The following GABRG3 variants were observed in gnomAD, a reference collection of about 807,000 sequenced individuals.
GABRG3 encodes gamma-aminobutyric acid type A receptor subunit gamma3, also known as gamma-aminobutyric acid receptor subunit gamma-3.
In GABRG3, 25 loss-of-function variants were observed where a neutral mutation model predicts 48.8. The ratio of observed to expected loss-of-function variants is 0.51; its 90% CI spans 0.37 to 0.72. The LOEUF (loss-of-function observed/expected upper bound fraction) is 0.72, where lower values mean the gene tolerates loss of function less well. GABRG3 is among the 30% of genes least tolerant of loss of function. The pLI, the probability that GABRG3 is intolerant of heterozygous loss-of-function variation, is 0.00. For missense variants in GABRG3, 394 were observed against 577.9 expected (o/e 0.68, Z 3.26); for synonymous variants, 227 against 217.6 (o/e 1.04, Z -0.38).
chr15:27,436,089 C>A lies in GABRG3; in HGVS notation c.575-44561C>A, dbSNP rs139505734. Among the ~76,000 whole-genome samples, 9 of 152,294 alleles carry A rather than the reference C, an allele frequency of 5.9e-5. No individual in the cohort carries two copies. The East Asian group carries it at 1.4e-3, about 23-fold the overall frequency. On this transcript the variant is annotated intron_variant, in intron 5 of 9. Transcript: ENST00000615808. ...TGAGTGTCTTCGTCAGGTCAGGCTG[C>A]TACAGTAGAATACCAAAGACTGGGG...
At chr15:27,239,158 G>A (rs34554533) in intron 3 of GABRG3, among the ~76,000 whole-genome samples, 11,579 of 152,250 alleles carry the variant, frequency 0.076, 859 homozygotes, top group African/African-American at 0.19. Context: ...TTTTGGATAC[G>A]AAGATGAAGG....
intron 5 of GABRG3, among the ~76,000 whole-genome samples, chr15:27,426,572 C>T (rs569462903): frequency 2.6e-5 from 4 of 152,082 alleles, no homozygotes; most frequent in South Asian, 2.1e-4. Flanking sequence ...CCCAGCACTT[C>T]GGGAGTCAAG....
intron 3 of GABRG3, among the ~76,000 whole-genome samples, chr15:27,262,690 GA>G (rs1274100713): frequency 1.3e-5 from 2 of 152,186 alleles, no homozygotes; most frequent in Non-Finnish European, 2.9e-5. Flanking sequence ...TGACTTAGAA[GA>G]AATCTATTGA....
chr15:27,301,438 A>G (rs2065955129), intron 3 of GABRG3, among the ~76,000 whole-genome samples: 1 of 152,132 alleles, frequency 6.6e-6, no homozygotes, highest in Admixed American at 6.6e-5. Flanking sequence ...CACTTTGGTT[A>G]TTTCTAGTTT....
chr15:27,403,560 A>G (rs1241192121), intron 5 of GABRG3, among the ~76,000 whole-genome samples: 2 of 152,172 alleles, frequency 1.3e-5, no homozygotes, highest in East Asian at 3.9e-4. Flanking sequence ...TTACCTTGAG[A>G]GTTACTTCTC....
At chr15:27,458,993 G>C (rs141592011) in intron 5 of GABRG3, among the ~76,000 whole-genome samples, 2 of 152,162 alleles carry the variant, frequency 1.3e-5, no homozygotes, top group African/African-American at 2.4e-5. Context: ...ATCATTGCTC[G>C]ATTCTTCCAA....
rs993016708 is a variant in GABRG3 at position 26,975,532 on chromosome 15, C to T, written c.54-1470C>T. Reference sequence around the variant, plus strand: ...TTCATACAGGTGTAGACTATCTGGCCAACACTCTAGTCTACGTTATGGCTA... The same window carrying T: ...TTCATACAGGTGTAGACTATCTGGCTAACACTCTAGTCTACGTTATGGCTA... On this transcript the variant is annotated intron_variant, in intron 1 of 9. Coordinates refer to ENST00000615808, the MANE Select transcript of GABRG3 (RefSeq NM_033223.5). The surrounding 1 kb of genome is among the most constrained non-coding windows in gnomAD (Gnocchi z 4.6). 2.0e-5 allele frequency among the ~76,000 whole-genome samples: 3 copies of T among 152,038 alleles called. No individual in the cohort carries two copies. The highest frequency in any genetic ancestry group is 7.2e-5 in the African/African-American group (3 of 41,390).
intron 3 of GABRG3, among the ~76,000 whole-genome samples, chr15:27,251,096 A>G (rs529674481): frequency 2.0e-5 from 3 of 152,064 alleles, no homozygotes; most frequent in Admixed American, 6.5e-5. Context: ...GGCTCATTCT[A>G]TTATCCGTGG....
intron 3 of GABRG3, among the ~76,000 whole-genome samples, chr15:27,053,425 C>T (rs1277618204): frequency 2.6e-5 from 4 of 152,158 alleles, no homozygotes; most frequent in Admixed American, 2.0e-4. Flanking sequence ...CAAATCAAAA[C>T]CACAGTGAGA....
Position 27,537,508 on chromosome 15 carries a change from G to GA in GABRG3, c.*4628dup, listed in dbSNP as rs1891574634. The GA allele has an allele frequency of 6.6e-6, 1 of 152,134 alleles. No homozygotes were observed. The highest frequency in any genetic ancestry group is 1.9e-4 in the East Asian group (1 of 5,186). The allele number at this position is 152,134 out of a possible 1,614,324, so 9.4% of individuals were successfully genotyped here. A position where few individuals can be genotyped will look rare whatever the true frequency, so the allele number is the denominator to read the frequency against. The stretch of plus-strand genomic sequence containing the variant: ...CAACAAATAACTCTTCAGGATAAAT[G>GA]ACACCTGCATCGCTGATCCCTTGTT... On this transcript the variant is annotated 3_prime_UTR_variant, in exon 10 of 10. Coordinates refer to ENST00000615808, the MANE Select transcript of GABRG3 (RefSeq NM_033223.5).
chr15:27,287,731 CTG>C (rs1245475713), intron 3 of GABRG3, among the ~76,000 whole-genome samples: 1 of 144,032 alleles, frequency 6.9e-6, no homozygotes, highest in African/African-American at 2.7e-5. Flanking sequence ...AGATGATTTG[CTG>C]TGTCTTTTTT....
At chr15:27,313,356 CT>C (rs1893096171) in intron 3 of GABRG3, among the ~76,000 whole-genome samples, 1 of 128,016 alleles carries the variant, frequency 7.8e-6, no homozygotes, top group Non-Finnish European at 1.6e-5. Context: ...ATTGATGGAA[CT>C]GAAGGAAGAC....
intron 3 of GABRG3, among the ~76,000 whole-genome samples, chr15:27,238,957 C>T (rs1890056393): frequency 6.6e-6 from 1 of 152,136 alleles, no homozygotes; most frequent in African/African-American, 2.4e-5. Context: ...CAAAATTTGG[C>T]ATGCGGAAGT....
At position 27,046,158 on chromosome 15, in the gene GABRG3, A is replaced by C. The variant is rs112705913; in HGVS notation, c.270+19337A>C. 4.0e-3 allele frequency among the ~76,000 whole-genome samples: 601 copies of C among 151,938 alleles called. 3 individuals are homozygous for C. Among genetic ancestry groups the C allele is most frequent in the African/African-American group, 0.013 (542 of 41,398 alleles). On this transcript the variant is annotated intron_variant, in intron 3 of 9. Coordinates refer to ENST00000615808, the MANE Select transcript of GABRG3 (RefSeq NM_033223.5). ...GCCGAGGCTGGAGTGCAATGGCACG[A>C]TCTCAGCTCACCGCAACGTCCGTCT...
chr15:27,500,359 G>T (rs1197056179), intron 6 of GABRG3, among the ~76,000 whole-genome samples: 1 of 152,142 alleles, frequency 6.6e-6, no homozygotes, highest in Non-Finnish European at 1.5e-5. Context: ...CAGAAGGGGA[G>T]GAGAACCGCC....
chr15:27,253,553 G>C (rs1056209130), intron 3 of GABRG3, among the ~76,000 whole-genome samples: 5 of 152,336 alleles, frequency 3.3e-5, no homozygotes, highest in Admixed American at 6.5e-5. Context: ...GCCTTCTACT[G>C]TAAGTTATGA....
chr15:27,433,688 C>T (rs1888524498), intron 5 of GABRG3, among the ~76,000 whole-genome samples: 1 of 152,052 alleles, frequency 6.6e-6, no homozygotes, highest in Admixed American at 6.6e-5. Flanking sequence ...GTATGTGTGT[C>T]GATATGGTTC....
chr15:27,308,552 CAT>C (rs1445915538), intron 3 of GABRG3, among the ~76,000 whole-genome samples: 6 of 147,414 alleles, frequency 4.1e-5, no homozygotes, highest in East Asian at 4.2e-4. Flanking sequence ...ATAATGTAAA[CAT>C]ACATGTTTAT....
rs1891653680 is a variant in GABRG3 at position 27,541,100 on chromosome 15, C to G, written c.*8219C>G. On this transcript the variant is annotated 3_prime_UTR_variant, in exon 10 of 10. Coordinates refer to ENST00000615808, the MANE Select transcript of GABRG3 (RefSeq NM_033223.5). Reference sequence around the variant, plus strand: ...TCTTTCCAAGAAAAGGAAAAGAAATCCAGCTTCACTACCTGATCAGGAGTC... The same window carrying G: ...TCTTTCCAAGAAAAGGAAAAGAAATGCAGCTTCACTACCTGATCAGGAGTC... The G allele has an allele frequency of 6.6e-6, 1 of 152,194 alleles. No homozygotes were observed. Among genetic ancestry groups the G allele is most frequent in the African/African-American group, 2.4e-5 (1 of 41,448 alleles). The allele number at this position is 152,194 out of a possible 1,614,324, so 9.4% of individuals were successfully genotyped here. A position where few individuals can be genotyped will look rare whatever the true frequency, so the allele number is the denominator to read the frequency against.
Sources: gnomAD v4.1 joint callset for allele counts (sites outside exome capture counted in the v4.1 genomes callset) on GRCh38, gnomAD v4.1.1 for gene constraint, Gnocchi (gnomAD v3.1) non-coding constraint, MANE v1.5 for transcripts, NCBI Gene and HGNC (gene_info 2026-07-23, HGNC 2026-07-21) for gene names.